Variants in LRRC8D observed in about 807,000 individuals in gnomAD.
LRRC8D encodes leucine rich repeat containing 8 VRAC subunit D.
Under a neutral mutation model 55.8 loss-of-function variants are expected in LRRC8D, and 20 were observed. That is an observed-to-expected ratio of 0.36 (90% CI 0.25 to 0.52). The LOEUF is 0.52. Among genes scored for constraint, LRRC8D ranks in the 20% least tolerant of loss-of-function variants. The pLI is 0.93. For missense variants in LRRC8D, 651 were observed against 1,030.8 expected (o/e 0.63, Z 5.05); for synonymous variants, 352 against 377.0 (o/e 0.93, Z 0.77).
chr1:89,914,914 T>G (rs1055339230), intron 2 of LRRC8D, among the ~76,000 whole-genome samples: 2 of 152,012 alleles, frequency 1.3e-5, no homozygotes, highest in African/African-American at 4.8e-5. Context: ...CTGGGCAGAA[T>G]GGTGGTAGTG....
chr1:89,884,653 G>A (rs1345209077), intron 2 of LRRC8D, among the ~76,000 whole-genome samples: 1 of 152,184 alleles, frequency 6.6e-6, no homozygotes. Flanking sequence ...TTAGCAAGCT[G>A]TTTAATGTCT....
chr1:89,928,530 G>A (rs2816896), intron 2 of LRRC8D, among the ~76,000 whole-genome samples: 2 of 152,182 alleles, frequency 1.3e-5, no homozygotes, highest in African/African-American at 4.8e-5. Context: ...TGGCAGAGTA[G>A]ACAATGTGCT....
intron 2 of LRRC8D, among the ~76,000 whole-genome samples, chr1:89,907,688 C>T (rs760037430): frequency 1.3e-5 from 2 of 152,098 alleles, no homozygotes; most frequent in African/African-American, 4.8e-5. Flanking sequence ...TCATGAGTCC[C>T]CCAAAATTAG....
chr1:89,823,396 T>G, intron 1 of LRRC8D, among the ~76,000 whole-genome samples: 1 of 152,250 alleles, frequency 6.6e-6, no homozygotes, highest in East Asian at 1.9e-4. Context: ...AATTTTTATA[T>G]TATGCAGCAT....
chr1:89,833,405 GT>G (rs1468602715), intron 1 of LRRC8D, among the ~76,000 whole-genome samples: 1 of 152,190 alleles, frequency 6.6e-6, no homozygotes, highest in Non-Finnish European at 1.5e-5. Flanking sequence ...CACCAGACTT[GT>G]TTTTAACAGC....
chr1:89,859,436 T>C (rs1269666062), intron 2 of LRRC8D, among the ~76,000 whole-genome samples: 4 of 152,230 alleles, frequency 2.6e-5, no homozygotes, highest in Admixed American at 2.6e-4. Context: ...TGTTTTTAAC[T>C]TGTCGAAATT....
chr1:89,885,430 C>T (rs1215486026), intron 2 of LRRC8D, among the ~76,000 whole-genome samples: 1 of 152,248 alleles, frequency 6.6e-6, no homozygotes, highest in Non-Finnish European at 1.5e-5. Context: ...AAATCCATAT[C>T]TAGACACATT....
intron 1 of LRRC8D, among the ~76,000 whole-genome samples, chr1:89,832,132 T>C (rs558772310): frequency 5.3e-5 from 8 of 152,248 alleles, no homozygotes; most frequent in Non-Finnish European, 1.2e-4. Flanking sequence ...AGACCTTTAC[T>C]GTGACCCCAA....
intron 1 of LRRC8D, among the ~76,000 whole-genome samples, chr1:89,834,847 G>A (rs1185259541): frequency 6.6e-6 from 1 of 152,224 alleles, no homozygotes; most frequent in Non-Finnish European, 1.5e-5. Flanking sequence ...TACAGAATGT[G>A]TTTGGGAAAT....
intron 2 of LRRC8D, among the ~76,000 whole-genome samples, chr1:89,907,183 CTTTT>C (rs71584958): frequency 1.4e-5 from 1 of 69,774 alleles, no homozygotes; most frequent in Non-Finnish European, 2.8e-5. Context: ...TCCACTGTGT[CTTTT>C]TTTTTTTTTT....
intron 2 of LRRC8D, among the ~76,000 whole-genome samples, chr1:89,845,270 A>G (rs910891554): frequency 2.6e-5 from 4 of 152,252 alleles, no homozygotes; most frequent in Admixed American, 2.6e-4. Context: ...ACATGTAATC[A>G]ATAAGTACAT....
Position 89,934,526 on chromosome 1 carries a change from C to G in LRRC8D, c.1458C>G (p.Val486=). 6.2e-7 allele frequency: 1 copy of G among 1,614,188 alleles called. No individual in the cohort carries two copies. Among genetic ancestry groups the G allele is most frequent in the Non-Finnish European group, 8.5e-7 (1 of 1,180,030 alleles). ...TGCTGTCGGGGGTGCCCGATGCTGTCTTTGACCTCACAGACCTGGATGTGC... is the reference window on the plus strand; with the variant it reads ...TGCTGTCGGGGGTGCCCGATGCTGTGTTTGACCTCACAGACCTGGATGTGC... ...LFMLSGVPDA[V]FDLTDLDVLK... Residue 486 remains valine, a synonymous_variant, in exon 3 of 3, where the codon GTC becomes GTG. Transcript: ENST00000337338. The surrounding 1 kb of genome is among the most constrained non-coding windows in gnomAD (Gnocchi z 5.9).
At position 89,935,341 on chromosome 1, in the gene LRRC8D, A is replaced by G; in HGVS notation, c.2273A>G (p.His758Arg). The G allele has an allele frequency of 6.2e-7, 1 of 1,614,268 alleles. No homozygotes were observed. ...TTGCTTCAGAACCTGCAGCATTTGC[A>G]TATCACTGGGAACAAAGTGGACATT... ...IGLLQNLQHL[H>R]ITGNKVDILP... Residue 758 changes from histidine (H) to arginine (R), a missense_variant, in exon 3 of 3, where the codon CAT (histidine) becomes CGT (arginine). Physicochemically the swap from His to Arg is conservative, Grantham distance 29 (BLOSUM62 0). Coordinates refer to ENST00000337338, the MANE Select transcript of LRRC8D (RefSeq NM_001134479.2).
At chr1:89,919,592 CTCCCATTACAAATCCTACTAACTG>C (rs1428893843) in intron 2 of LRRC8D, among the ~76,000 whole-genome samples, 3 of 152,154 alleles carry the variant, frequency 2.0e-5, no homozygotes, top group Non-Finnish European at 2.9e-5. Context: ...GCAAGCAAAG[CTCCCATTACAAATCCTACTAACTG>C]TCTCATAAAC....
intron 2 of LRRC8D, among the ~76,000 whole-genome samples, chr1:89,906,798 C>T (rs1036222564): frequency 1.3e-5 from 2 of 151,966 alleles, no homozygotes; most frequent in Non-Finnish European, 2.9e-5. Flanking sequence ...CAGAAGTGAA[C>T]GGTCACAGCT....
chr1:89,934,790 A>G lies in LRRC8D; in HGVS notation c.1722A>G (p.Glu574=), dbSNP rs142007340. ...ACTTAATAGGCAATTTGAACTCTGA[A>G]AACAATAAGATGATAGGACTTGAAT... ...ELYLIGNLNS[E]NNKMIGLESL... is the part of the protein sequence containing the mutation. The change falls in exon 3 of 3, where the codon GAA becomes GAG. Residue 574 remains glutamate (E), a synonymous_variant. Transcript: ENST00000337338. This position sits in a 1 kb window ranked among gnomAD's most constrained non-coding sequence, Gnocchi z 5.9. 146 of 1,614,154 alleles carry G rather than the reference A, an allele frequency of 9.0e-5. No homozygotes were observed. Among genetic ancestry groups the G allele is most frequent in the Non-Finnish European group, 1.2e-4 (140 of 1,180,042 alleles).
At chr1:89,899,208 C>T (rs938609668) in intron 2 of LRRC8D, among the ~76,000 whole-genome samples, 3 of 152,166 alleles carry the variant, frequency 2.0e-5, no homozygotes, top group East Asian at 1.9e-4. Context: ...TCTGAGGCCA[C>T]CCCGCATTAT....
intron 2 of LRRC8D, among the ~76,000 whole-genome samples, chr1:89,887,766 CA>C (rs1283166790): frequency 6.6e-6 from 1 of 152,128 alleles, no homozygotes; most frequent in Non-Finnish European, 1.5e-5. Flanking sequence ...ATTTCTGCAG[CA>C]GTATCATGAA....
chr1:89,863,448 T>G (rs1030088698), intron 2 of LRRC8D, among the ~76,000 whole-genome samples: 8 of 152,282 alleles, frequency 5.3e-5, no homozygotes, highest in Middle Eastern at 3.4e-3. Context: ...CTCAGTTTCT[T>G]TTTGCCTCCT....
Sources: gnomAD v4.1 joint callset for allele counts (sites outside exome capture counted in the v4.1 genomes callset) on GRCh38, gnomAD v4.1.1 for gene constraint, Gnocchi (gnomAD v3.1) non-coding constraint, MANE v1.5 for transcripts, NCBI Gene and HGNC (gene_info 2026-07-23, HGNC 2026-07-21) for gene names.